The following PCDHGA1 variants were observed in gnomAD, a reference collection of about 807,000 sequenced individuals.
The protein encoded by PCDHGA1 is protocadherin gamma-A1.
In PCDHGA1, 32 loss-of-function variants were observed where a neutral mutation model predicts 58.0. That is an observed-to-expected ratio of 0.55 (90% CI 0.42 to 0.74). PCDHGA1 has a LOEUF of 0.74. Ranked by LOEUF, PCDHGA1 falls within the 30% of genes least tolerant of loss-of-function variation. The pLI, the probability that PCDHGA1 is intolerant of heterozygous loss-of-function variation, is 0.00. For synonymous variants in PCDHGA1, 498 were observed against 501.1 expected (o/e 0.99, Z 0.08); for missense variants, 1,205 against 1,182.3 (o/e 1.02, Z -0.28).
intron 1 of PCDHGA1, chr5:141,362,627 G>T: frequency 1.3e-6 from 2 of 1,505,114 alleles, no homozygotes; most frequent in Non-Finnish European, 1.8e-6. Flanking sequence ...AAGTTCCACT[G>T]CGTATTTCTT....
chr5:141,356,270 A>G lies in PCDHGA1; in HGVS notation c.2421+23165A>G, dbSNP rs751472146. On this transcript the variant is annotated intron_variant, in intron 1 of 3. Transcript: ENST00000517417. ...GTTACATCTCTCACCAGCTCAGTCC[A>G]GGAATCTTCTTCCCCGGGTACAGTA... is the stretch of plus-strand genomic sequence containing the variant. 3.8e-6 allele frequency: 6 copies of G among 1,562,512 alleles called. No homozygotes were observed. In the South Asian group the frequency reaches 4.7e-5, roughly 12 times the overall value.
intron 1 of PCDHGA1, chr5:141,375,931 T>C (rs746995876): frequency 6.2e-6 from 10 of 1,613,646 alleles, no homozygotes; most frequent in South Asian, 4.4e-5. Context: ...AGCCAGGACT[T>C]TTCTCAGTGG....
intron 1 of PCDHGA1, chr5:141,402,830 G>A: frequency 7.4e-7 from 1 of 1,346,490 alleles, no homozygotes; most frequent in Non-Finnish European, 9.8e-7. Flanking sequence ...CTCCCAGGCT[G>A]CAGCAAAACT....
intron 1 of PCDHGA1, chr5:141,345,742 A>T (rs1428299449): frequency 1.2e-6 from 2 of 1,614,140 alleles, no homozygotes; most frequent in Non-Finnish European, 1.7e-6. Context: ...CTCCCCACAG[A>T]CGGTTCCACT....
chr5:141,487,022 A>T lies in PCDHGA1; in HGVS notation c.2422-7785A>T. ...TCAGCTCCTGGAGGCCCCAGATCCC[A>T]GCCTGTTTGCAGTCTCTCGATATGC... On this transcript the variant is annotated intron_variant, in intron 1 of 3. Coordinates refer to ENST00000517417, the MANE Select transcript of PCDHGA1 (RefSeq NM_018912.3). The surrounding 1 kb of genome is among the most constrained non-coding windows in gnomAD (Gnocchi z 5.0). The T allele has an allele frequency of 1.2e-6, 2 of 1,614,212 alleles. No homozygotes were observed. Among genetic ancestry groups the T allele is most frequent in the Non-Finnish European group, 1.7e-6 (2 of 1,180,048 alleles).
At chr5:141,360,394 A>C (rs768829588) in intron 1 of PCDHGA1, 71 of 1,613,814 alleles carry the variant, frequency 4.4e-5, no homozygotes, top group Non-Finnish European at 5.8e-5. Flanking sequence ...CTTACTTGTG[A>C]GTGACAGAAT....
intron 1 of PCDHGA1, chr5:141,394,839 G>A (rs1190397731): frequency 6.2e-7 from 1 of 1,613,834 alleles, no homozygotes; most frequent in Non-Finnish European, 8.5e-7. Context: ...GACCGAGTTG[G>A]GCAGTCTGAA....
chr5:141,480,407 C>T (rs906445993), intron 1 of PCDHGA1, among the ~76,000 whole-genome samples: 1 of 139,782 alleles, frequency 7.2e-6, no homozygotes, highest in Admixed American at 7.0e-5. Context: ...AGAGTGAGAC[C>T]CTGTCTCAAA....
intron 1 of PCDHGA1, chr5:141,403,903 G>T: frequency 1.2e-6 from 2 of 1,613,804 alleles, no homozygotes; most frequent in Non-Finnish European, 1.7e-6. Context: ...TTTATGAAAT[G>T]GAAATACAAG....
At chr5:141,395,070 T>C (rs1222192652) in intron 1 of PCDHGA1, 1 of 1,614,158 alleles carries the variant, frequency 6.2e-7, no homozygotes, top group Non-Finnish European at 8.5e-7. Context: ...CCTGCAGACC[T>C]ATTCCCAGGA....
intron 1 of PCDHGA1, among the ~76,000 whole-genome samples, chr5:141,380,852 C>T (rs1429709070): frequency 1.3e-5 from 2 of 152,300 alleles, no homozygotes; most frequent in African/African-American, 4.8e-5. Flanking sequence ...TGGATCAAGA[C>T]ATTGAGAGCT....
At chr5:141,500,929 C>T (rs1347340945) in intron 2 of PCDHGA1, among the ~76,000 whole-genome samples, 2 of 151,210 alleles carry the variant, frequency 1.3e-5, no homozygotes, top group South Asian at 2.1e-4. Flanking sequence ...GGTGCAGTGG[C>T]GCCATCTCGG....
chr5:141,371,310 G>A, intron 1 of PCDHGA1: 2 of 1,613,992 alleles, frequency 1.2e-6, no homozygotes, highest in Non-Finnish European at 1.7e-6. Flanking sequence ...CACTATTGGA[G>A]AACTGGACTT....
At chr5:141,424,901 C>G (rs2096846997) in intron 1 of PCDHGA1, among the ~76,000 whole-genome samples, 1 of 152,134 alleles carries the variant, frequency 6.6e-6, no homozygotes, top group African/African-American at 2.4e-5. Context: ...TTTTTGATCA[C>G]AGGAATCATT....
Position 141,491,869 on chromosome 5 carries a change from G to A in PCDHGA1, c.2422-2938G>A. On this transcript the variant is annotated intron_variant, in intron 1 of 3. Transcript: ENST00000517417. The surrounding 1 kb of genome is among the most constrained non-coding windows in gnomAD (Gnocchi z 6.9). ...GGACCGTTTGCGCGAAACCAGAGTG[G>A]CCGATTAAGGGATGGGGCTCCGAGC... The A allele has an allele frequency of 6.9e-7, 1 of 1,453,094 alleles. No individual in the cohort carries two copies. Among genetic ancestry groups the A allele is most frequent in the Non-Finnish European group, 9.1e-7 (1 of 1,099,380 alleles). 90.0% of individuals were successfully genotyped at this position (1,453,094 alleles called of 1,614,324 possible).
At chr5:141,463,165 C>G (rs1042153238) in intron 1 of PCDHGA1, among the ~76,000 whole-genome samples, 1 of 152,148 alleles carries the variant, frequency 6.6e-6, no homozygotes, top group Non-Finnish European at 1.5e-5. Context: ...TCAGTGCACT[C>G]TATGTATGCT....
At position 141,332,347 on chromosome 5, in the gene PCDHGA1, C is replaced by T. The variant is rs202093782; in HGVS notation, c.1663C>T (p.Gln555Ter). ...GTCTCTCAGCCTATTCCTGCTGGAC[C>T]AGAACGACAACGCGCCCGAGATCCT... is the stretch of plus-strand genomic sequence containing the variant. The part of the protein sequence containing the change: ...NVSLSLFLLD[Q>*]NDNAPEILYP... The change falls in exon 1 of 4, where the codon CAG (glutamine) becomes TAG (stop). Residue 555 changes from glutamine (Q) to a stop codon, truncating the protein, a stop_gained. Coordinates refer to ENST00000517417, the MANE Select transcript of PCDHGA1 (RefSeq NM_018912.3). LOFTEE classifies it high-confidence loss of function. The surrounding 1 kb of genome is among the most constrained non-coding windows in gnomAD (Gnocchi z 4.6). 1 of 1,614,218 alleles carries T rather than the reference C, an allele frequency of 6.2e-7. No individual in the cohort carries two copies. The highest frequency in any genetic ancestry group is 1.1e-5 in the South Asian group (1 of 91,090).
At chr5:141,457,412 C>A (rs2098919309) in intron 1 of PCDHGA1, among the ~76,000 whole-genome samples, 1 of 152,188 alleles carries the variant, frequency 6.6e-6, no homozygotes. Flanking sequence ...TCACATTACC[C>A]ATCCCTTTTT....
At chr5:141,474,143 T>C (rs933805562) in intron 1 of PCDHGA1, among the ~76,000 whole-genome samples, 5 of 152,188 alleles carry the variant, frequency 3.3e-5, no homozygotes, top group Non-Finnish European at 5.9e-5. Flanking sequence ...CAGGCCTTAT[T>C]ATCAAGAAAA....
Sources: gnomAD v4.1 joint callset for allele counts (sites outside exome capture counted in the v4.1 genomes callset) on GRCh38, gnomAD v4.1.1 for gene constraint, Gnocchi (gnomAD v3.1) non-coding constraint, MANE v1.5 for transcripts, NCBI Gene and HGNC (gene_info 2026-07-23, HGNC 2026-07-21) for gene names.